CD1B: variants seen among roughly 807,000 people sequenced by gnomAD.
CD1B encodes T-cell surface glycoprotein CD1b.
A neutral mutation model predicts 39.8 loss-of-function variants in CD1B; 43 were observed. That is an observed-to-expected ratio of 1.08 (90% CI 0.85 to 1.39). CD1B has a LOEUF of 1.39. CD1B is among the 40% of genes most tolerant of loss of function. The pLI is 0.00. For synonymous variants in CD1B, 192 were observed against 152.5 expected (o/e 1.26, Z -1.91); for missense variants, 495 against 403.8 (o/e 1.23, Z -1.94).
At chr1:158,317,403 G>T in the CD1B span, among the ~76,000 whole-genome samples, 1 of 152,184 alleles carries the variant, frequency 6.6e-6, no homozygotes, top group African/African-American at 2.4e-5. Flanking sequence ...GAGTGTATGT[G>T]TCGAGGAATT....
chr1:158,297,432 T>C, the CD1B span, among the ~76,000 whole-genome samples: 1 of 152,116 alleles, frequency 6.6e-6, no homozygotes, highest in Admixed American at 6.5e-5. Flanking sequence ...TTATAAGAAG[T>C]CATTAAGGGA....
chr1:158,304,594 T>C, the CD1B span, among the ~76,000 whole-genome samples: 2 of 152,254 alleles, frequency 1.3e-5, no homozygotes, highest in African/African-American at 4.8e-5. Flanking sequence ...AGAGTAGTGG[T>C]TCTCCCAGCA....
the CD1B span, chr1:158,293,099 A>G: frequency 1.0e-6 from 1 of 955,924 alleles, no homozygotes; most frequent in African/African-American, 1.6e-5. Context: ...TGACTGAAAT[A>G]GGATAACTGA....
At chr1:158,328,539 A>T (rs3176843) in intron 5 of CD1B, among the ~76,000 whole-genome samples, 43,991 of 152,086 alleles carry the variant, frequency 0.29, 6,702 homozygotes, top group African/African-American at 0.4. Context: ...TACCTAGAAT[A>T]GTAGAATTCA....
At position 158,330,136 on chromosome 1, in the gene CD1B, T is replaced by G. The variant is rs768607445; in HGVS notation, c.329-6A>C. On this transcript the variant is annotated splice_polypyrimidine_tract_variant and splice_region_variant and intron_variant, in intron 2 of 5. Transcript: ENST00000368168. ...GCCCTGGATCTCAAAGGGGTCTATG[T>G]AGAGGGAAAAGAGAGCAAGTTATTA... is the stretch of plus-strand genomic sequence containing the variant. 2 of 1,590,824 alleles carry G rather than the reference T, an allele frequency of 1.3e-6. No individual in the cohort carries two copies. The highest frequency in any genetic ancestry group is 3.7e-5 in the Admixed American group (2 of 53,664).
At chr1:158,312,518 C>T in the CD1B span, among the ~76,000 whole-genome samples, 1 of 151,950 alleles carries the variant, frequency 6.6e-6, no homozygotes, top group Non-Finnish European at 1.5e-5. Context: ...TAATTTTTGT[C>T]CTTTTCAATT....
the CD1B span, among the ~76,000 whole-genome samples, chr1:158,307,322 T>C: frequency 2.0e-5 from 3 of 152,098 alleles, no homozygotes; most frequent in African/African-American, 7.2e-5. Flanking sequence ...GCAAATAAAC[T>C]AGAAAGTCTA....
the CD1B span, chr1:158,292,202 G>A: frequency 1.9e-6 from 3 of 1,614,066 alleles, no homozygotes; most frequent in Non-Finnish European, 1.7e-6. Flanking sequence ...ATACAACATG[G>A]GTGCCATCTC....
At chr1:158,330,593 G>A in intron 2 of CD1B, 1 of 715,124 alleles carries the variant, frequency 1.4e-6, no homozygotes, top group Middle Eastern at 2.3e-4. Flanking sequence ...CTGAGAGTAA[G>A]AGAAGAGTGC....
At chr1:158,316,843 A>G in the CD1B span, among the ~76,000 whole-genome samples, 1 of 151,882 alleles carries the variant, frequency 6.6e-6, no homozygotes, top group Admixed American at 6.6e-5. Context: ...TCAATACCTA[A>G]TTTATTGAGA....
rs758446492 is a variant in CD1B at position 158,331,437 on chromosome 1, G to T, written c.-14C>A. 6.2e-7 allele frequency: 1 copy of T among 1,610,982 alleles called. No homozygotes were observed. On this transcript the variant is annotated 5_prime_UTR_variant, in exon 1 of 6. Transcript: ENST00000368168. ...CAGCAGCAGCATTTCACTGGGAGAT[G>T]CAACTTCTTACTGGCAGAGCTGGTA...
At chr1:158,318,976 A>G in the CD1B span, among the ~76,000 whole-genome samples, 1 of 152,116 alleles carries the variant, frequency 6.6e-6, no homozygotes, top group African/African-American at 2.4e-5. Context: ...TTCTTTAAGA[A>G]TGTTGAATAT....
the CD1B span, among the ~76,000 whole-genome samples, chr1:158,308,770 T>G: frequency 5.3e-5 from 8 of 152,026 alleles, no homozygotes; most frequent in African/African-American, 1.4e-4. Context: ...GGAAAACTGG[T>G]TAGCCATATG....
chr1:158,292,861 C>T, the CD1B span: 6 of 1,614,038 alleles, frequency 3.7e-6, no homozygotes, highest in Non-Finnish European at 5.1e-6. Flanking sequence ...GCCAGGACAT[C>T]ATCCTCTACT....
the CD1B span, among the ~76,000 whole-genome samples, chr1:158,293,976 A>T: frequency 0.12 from 17,781 of 152,214 alleles, 1,347 homozygotes; most frequent in East Asian, 0.38. Context: ...GGAAATATTC[A>T]TGCTTCTCTT....
At chr1:158,287,370 C>G in the CD1B span, among the ~76,000 whole-genome samples, 1 of 152,168 alleles carries the variant, frequency 6.6e-6, no homozygotes, top group African/African-American at 2.4e-5. Flanking sequence ...TCCAGTGTCT[C>G]TTCTTATAAG....
chr1:158,306,076 T>C, the CD1B span, among the ~76,000 whole-genome samples: 1 of 151,886 alleles, frequency 6.6e-6, no homozygotes, highest in East Asian at 1.9e-4. Flanking sequence ...AATTCACACA[T>C]AACAATATTA....
In CD1B at chr1:158,329,459, G is replaced by C; in HGVS notation, c.797C>G (p.Thr266Ser). The C allele has an allele frequency of 6.2e-7, 1 of 1,614,154 alleles. No individual in the cohort carries two copies. Among genetic ancestry groups the C allele is most frequent in the Non-Finnish European group, 8.5e-7 (1 of 1,180,042 alleles). ...NANWTWYLRA[T>S]LDVADGEAAG... ...CGCCTCCCCATCTGCCACATCCAGGGTTGCTCGGAGATACCATGTCCAGTT... is the reference window on the plus strand; with the variant it reads ...CGCCTCCCCATCTGCCACATCCAGGCTTGCTCGGAGATACCATGTCCAGTT... The change falls in exon 4 of 6, where the codon ACC becomes AGC. Residue 266 changes from threonine (T) to serine (S), a missense_variant. Physicochemically the swap from Thr to Ser is moderately conservative, Grantham distance 58. Coordinates refer to ENST00000368168, the MANE Select transcript of CD1B (RefSeq NM_001764.3).
chr1:158,331,410 G>GGCA lies in CD1B; in HGVS notation c.11_13dup (p.Leu4dup), dbSNP rs1557823411. 6.2e-7 allele frequency: 1 copy of GGCA among 1,613,904 alleles called. No individual in the cohort carries two copies. Among genetic ancestry groups the GGCA allele is most frequent in the African/African-American group, 1.3e-5 (1 of 75,022 alleles). On this transcript the variant is annotated inframe_insertion, in exon 1 of 6. Transcript: ENST00000368168. ...AAAGAGAACAGCTAACAGTTGAAAT[G>GGCA]GCAGCAGCAGCATTTCACTGGGAGA...
Sources: gnomAD v4.1 joint callset for allele counts (sites outside exome capture counted in the v4.1 genomes callset) on GRCh38, gnomAD v4.1.1 for gene constraint, MANE v1.5 for transcripts, NCBI Gene and HGNC (gene_info 2026-07-23, HGNC 2026-07-21) for gene names.